The following DTWD2 variants were observed in gnomAD, a reference collection of about 807,000 sequenced individuals.
DTWD2 encodes the protein DTW motif tRNA-uridine aminocarboxypropyltransferase 2.
DTWD2 carries 39 observed loss-of-function variants against 31.8 expected under a neutral mutation model. The ratio of observed to expected loss-of-function variants is 1.22; its 90% CI spans 0.95 to 1.60. DTWD2 has a LOEUF of 1.60. Among genes scored for constraint, DTWD2 ranks in the 40% most tolerant of loss-of-function variants. DTWD2 has a pLI of 0.00. For missense variants in DTWD2, 515 were observed against 381.5 expected (o/e 1.35, Z -2.92); for synonymous variants, 180 against 142.8 (o/e 1.26, Z -1.86).
At chr5:118,950,435 G>A (rs1172375980) in intron 1 of DTWD2, among the ~76,000 whole-genome samples, 2 of 152,130 alleles carry the variant, frequency 1.3e-5, no homozygotes, top group South Asian at 2.1e-4. Context: ...CGCCTGTGAT[G>A]GTCCAGGAGG....
chr5:118,964,738 A>G (rs1398976744), intron 1 of DTWD2, among the ~76,000 whole-genome samples: 1 of 152,216 alleles, frequency 6.6e-6, no homozygotes, highest in Non-Finnish European at 1.5e-5. Flanking sequence ...TCGTTCACTC[A>G]GTGCTCAATG....
chr5:118,841,577 C>T (rs1751714592), intron 5 of DTWD2, among the ~76,000 whole-genome samples: 1 of 152,156 alleles, frequency 6.6e-6, no homozygotes, highest in Admixed American at 6.6e-5. Flanking sequence ...CCATGGACCA[C>T]ATACAAGTTA....
At chr5:118,974,996 T>C (rs1215165515) in intron 1 of DTWD2, among the ~76,000 whole-genome samples, 2 of 152,194 alleles carry the variant, frequency 1.3e-5, no homozygotes, top group African/African-American at 4.8e-5. Context: ...CTGATGATTA[T>C]GTGTCTTGGG....
Position 118,836,823 on chromosome 5 carries a change from GC to G in DTWD2, c.*4093del, listed in dbSNP as rs1285922609. On this transcript the variant is annotated 3_prime_UTR_variant, in exon 6 of 6. Coordinates refer to ENST00000510708, the MANE Select transcript of DTWD2 (RefSeq NM_173666.4). ...CCCTCACCAGACACCAAATCTGCTG[GC>G]ACCTTGATATTGTATTTCCCAGCCT... 6.6e-6 allele frequency among the ~76,000 whole-genome samples: 1 copy of G among 152,082 alleles called. No individual in the cohort carries two copies. Among genetic ancestry groups the G allele is most frequent in the Non-Finnish European group, 1.5e-5 (1 of 68,008 alleles).
chr5:118,897,986 C>A (rs1458253021), intron 4 of DTWD2, among the ~76,000 whole-genome samples: 1 of 152,108 alleles, frequency 6.6e-6, no homozygotes, highest in Non-Finnish European at 1.5e-5. Flanking sequence ...ACCTCAGCTT[C>A]CCAAGTAGCT....
intron 4 of DTWD2, among the ~76,000 whole-genome samples, chr5:118,880,789 C>T (rs555151698): frequency 3.4e-4 from 51 of 152,228 alleles, no homozygotes; most frequent in African/African-American, 9.6e-4. Flanking sequence ...TCAAAAGTCA[C>T]GGCTAAACTT....
intron 3 of DTWD2, among the ~76,000 whole-genome samples, chr5:118,935,570 G>T (rs974505110): frequency 6.6e-6 from 1 of 152,132 alleles, no homozygotes; most frequent in Non-Finnish European, 1.5e-5. Context: ...ACATATTTGG[G>T]GGTCTCGGAA....
chr5:118,857,538 A>G (rs1752166268), intron 4 of DTWD2, among the ~76,000 whole-genome samples: 1 of 151,994 alleles, frequency 6.6e-6, no homozygotes, highest in South Asian at 2.1e-4. Flanking sequence ...AATTTTTCGG[A>G]GTCTTTATAT....
intron 4 of DTWD2, among the ~76,000 whole-genome samples, chr5:118,916,837 T>C (rs1316500321): frequency 6.6e-6 from 1 of 152,190 alleles, no homozygotes; most frequent in African/African-American, 2.4e-5. Context: ...CCTTTGTCAC[T>C]AACTTGTCAC....
At chr5:118,882,756 G>A (rs1054747735) in intron 4 of DTWD2, among the ~76,000 whole-genome samples, 21 of 152,206 alleles carry the variant, frequency 1.4e-4, no homozygotes, top group Admixed American at 1.2e-3. Flanking sequence ...TGGAGCTTCG[G>A]GGCACAGGGC....
At chr5:118,972,452 T>A (rs554614804) in intron 1 of DTWD2, among the ~76,000 whole-genome samples, 26 of 151,994 alleles carry the variant, frequency 1.7e-4, no homozygotes, top group Non-Finnish European at 3.1e-4. Flanking sequence ...AGACCAACAA[T>A]GAGTTCTGAA....
chr5:118,950,488 C>T (rs917342620), intron 1 of DTWD2, among the ~76,000 whole-genome samples: 3 of 152,114 alleles, frequency 2.0e-5, no homozygotes, highest in Admixed American at 1.3e-4. Context: ...GCTGCTAAGC[C>T]GAGAAGATCG....
At chr5:118,859,145 T>C (rs114759390) in intron 4 of DTWD2, among the ~76,000 whole-genome samples, 2,013 of 152,044 alleles carry the variant, frequency 0.013, 40 homozygotes, top group African/African-American at 0.046. Flanking sequence ...CAGCGGAGGA[T>C]TGCATGACTA....
intron 1 of DTWD2, chr5:118,974,229 G>A (rs935061621): frequency 1.9e-6 from 2 of 1,054,616 alleles, no homozygotes; most frequent in Non-Finnish European, 2.8e-6. Context: ...CGAGTAGAGA[G>A]GCCCGCCCGC....
At chr5:118,900,357 A>G (rs1444265198) in intron 4 of DTWD2, among the ~76,000 whole-genome samples, 1 of 152,236 alleles carries the variant, frequency 6.6e-6, no homozygotes, top group Non-Finnish European at 1.5e-5. Flanking sequence ...AATATTAAAA[A>G]AAGCTACTTG....
At chr5:118,979,511 T>C (rs1755244962) in intron 1 of DTWD2, among the ~76,000 whole-genome samples, 3 of 152,142 alleles carry the variant, frequency 2.0e-5, no homozygotes, top group Admixed American at 2.0e-4. Context: ...ACTGGGTATA[T>C]TACCAAAGGA....
intron 4 of DTWD2, among the ~76,000 whole-genome samples, chr5:118,877,956 G>C (rs1044093439): frequency 2.0e-5 from 3 of 152,034 alleles, no homozygotes; most frequent in African/African-American, 7.2e-5. Context: ...GCTACAAAAA[G>C]AATAAAATAC....
intron 4 of DTWD2, among the ~76,000 whole-genome samples, chr5:118,916,063 C>G (rs1194945998): frequency 2.0e-5 from 3 of 152,186 alleles, no homozygotes; most frequent in Non-Finnish European, 2.9e-5. Flanking sequence ...AATGAAGCCA[C>G]TCACTCACAT....
At chr5:118,850,464 C>A (rs1029590190) in intron 4 of DTWD2, among the ~76,000 whole-genome samples, 16 of 106,008 alleles carry the variant, frequency 1.5e-4, no homozygotes, top group African/African-American at 6.4e-4. Context: ...GGTGACAGAG[C>A]CAGACCCCAC....
Sources: allele counts gnomAD v4.1 joint callset (sites outside exome capture counted in the v4.1 genomes callset), GRCh38; gene constraint gnomAD v4.1.1; transcripts MANE v1.5; gene names NCBI Gene and HGNC (gene_info 2026-07-23, HGNC 2026-07-21).